The following TENM3 variants were observed in gnomAD, a reference collection of about 807,000 sequenced individuals.
TENM3 encodes the protein teneurin-3.
Under a neutral mutation model 255.1 loss-of-function variants are expected in TENM3, and 63 were observed. The observed-to-expected ratio is 0.25, with a 90% CI of 0.20 to 0.30. The LOEUF is 0.30. Among genes scored for constraint, TENM3 ranks in the 10% least tolerant of loss-of-function variants. The pLI is 1.00. For missense variants in TENM3, 2,929 were observed against 3,461.1 expected (o/e 0.85, Z 3.86); for synonymous variants, 1,306 against 1,322.3 (o/e 0.99, Z 0.27).
the TENM3 span, among the ~76,000 whole-genome samples, chr4:182,068,148 C>T: frequency 1.3e-5 from 2 of 152,078 alleles, no homozygotes; most frequent in Non-Finnish European, 2.9e-5. Context: ...TGAATGTTAC[C>T]TCTGTCTAAC....
At chr4:182,481,692 G>A (rs1359685932) in intron 3 of TENM3, among the ~76,000 whole-genome samples, 1 of 152,212 alleles carries the variant, frequency 6.6e-6, no homozygotes, top group Non-Finnish European at 1.5e-5. Flanking sequence ...CTACTGGGAA[G>A]GCTGAGGCAG....
At chr4:181,951,819 A>G in the TENM3 span, among the ~76,000 whole-genome samples, 20 of 152,252 alleles carry the variant, frequency 1.3e-4, no homozygotes, top group African/African-American at 4.3e-4. Flanking sequence ...TGTCTAACAG[A>G]AAAGAGGACA....
the TENM3 span, among the ~76,000 whole-genome samples, chr4:181,468,762 C>T: frequency 1.3e-5 from 2 of 152,294 alleles, no homozygotes; most frequent in African/African-American, 2.4e-5. Flanking sequence ...TAAACTTCAG[C>T]TTTTTGTAAG....
At chr4:182,122,431 C>T in the TENM3 span, among the ~76,000 whole-genome samples, 1 of 152,200 alleles carries the variant, frequency 6.6e-6, no homozygotes, top group African/African-American at 2.4e-5. Context: ...GTTGAAATTA[C>T]TCCTTGACTG....
At chr4:182,015,701 C>G in the TENM3 span, among the ~76,000 whole-genome samples, 1 of 151,204 alleles carries the variant, frequency 6.6e-6, no homozygotes, top group Non-Finnish European at 1.5e-5. Flanking sequence ...GCTGGGACTA[C>G]GGGCATGCAC....
the TENM3 span, among the ~76,000 whole-genome samples, chr4:181,524,130 G>A: frequency 6.6e-6 from 1 of 152,134 alleles, no homozygotes; most frequent in Non-Finnish European, 1.5e-5. Flanking sequence ...AGATTAACCT[G>A]TGAAAATGTG....
chr4:181,624,091 C>T, the TENM3 span, among the ~76,000 whole-genome samples: 1 of 152,298 alleles, frequency 6.6e-6, no homozygotes, highest in South Asian at 2.1e-4. Flanking sequence ...GTATCTGTCA[C>T]ATAACCAGCC....
the TENM3 span, among the ~76,000 whole-genome samples, chr4:181,785,490 G>A: frequency 3.9e-5 from 6 of 152,004 alleles, no homozygotes; most frequent in Non-Finnish European, 7.4e-5. Flanking sequence ...TTGAATTGAC[G>A]CGTATTACCA....
chr4:182,230,030 C>G (rs1561220709), intron 1 of TENM3, among the ~76,000 whole-genome samples: 1 of 150,918 alleles, frequency 6.6e-6, no homozygotes, highest in Non-Finnish European at 1.5e-5. Context: ...AATAAATATG[C>G]ATTATTTCCC....
At chr4:181,579,357 C>T in the TENM3 span, among the ~76,000 whole-genome samples, 1 of 152,058 alleles carries the variant, frequency 6.6e-6, no homozygotes, top group Non-Finnish European at 1.5e-5. Flanking sequence ...GCCACCAGAG[C>T]GATCTTTTAA....
chr4:182,176,821 ATTTTTTT>A (rs529637466), intron 1 of TENM3, among the ~76,000 whole-genome samples: 5 of 113,358 alleles, frequency 4.4e-5, no homozygotes, highest in Non-Finnish European at 7.1e-5. Context: ...CATCCGGCTA[ATTTTTTT>A]TTTTTTTTTT....
the TENM3 span, among the ~76,000 whole-genome samples, chr4:181,902,856 C>G: frequency 1.3e-5 from 2 of 152,080 alleles, no homozygotes; most frequent in Admixed American, 1.3e-4. Context: ...AAAGCATGTG[C>G]TCTTGGAGAA....
At chr4:182,790,473 C>T (rs1025196929) in intron 25 of TENM3, among the ~76,000 whole-genome samples, 2 of 152,184 alleles carry the variant, frequency 1.3e-5, no homozygotes, top group African/African-American at 4.8e-5. Context: ...TAATTCCAGC[C>T]GGCGCCTGCA....
chr4:181,828,813 C>G, the TENM3 span, among the ~76,000 whole-genome samples: 1 of 152,148 alleles, frequency 6.6e-6, no homozygotes, highest in Non-Finnish European at 1.5e-5. Context: ...TGGTCTTGAA[C>G]TCCTGACCTC....
At chr4:181,629,045 C>T in the TENM3 span, among the ~76,000 whole-genome samples, 1 of 152,052 alleles carries the variant, frequency 6.6e-6, no homozygotes, top group Admixed American at 6.6e-5. Context: ...TGAAGAGGTC[C>T]TTCACATCCC....
intron 13 of TENM3, among the ~76,000 whole-genome samples, chr4:182,716,316 T>C (rs111418916): frequency 4.6e-5 from 7 of 152,306 alleles, no homozygotes; most frequent in African/African-American, 1.7e-4. Context: ...ATCAACTCTT[T>C]AGTGGTATTA....
intron 12 of TENM3, chr4:182,698,011 A>G (rs1358974548): frequency 6.6e-6 from 1 of 152,050 alleles, no homozygotes; most frequent in African/African-American, 2.4e-5. Flanking sequence ...GTCTTTACAT[A>G]CACCAATTTC....
At chr4:182,356,556 C>G (rs539963635) in intron 3 of TENM3, among the ~76,000 whole-genome samples, 2 of 150,752 alleles carry the variant, frequency 1.3e-5, no homozygotes, top group African/African-American at 4.9e-5. Context: ...AGGAAAGGGA[C>G]GGAGCGGCAG....
chr4:182,421,128 T>G (rs1303852452), intron 3 of TENM3, among the ~76,000 whole-genome samples: 1 of 152,230 alleles, frequency 6.6e-6, no homozygotes, highest in Non-Finnish European at 1.5e-5. Flanking sequence ...AAAATTGCAC[T>G]GATAGACTAA....
Sources: gnomAD v4.1 joint callset for allele counts (sites outside exome capture counted in the v4.1 genomes callset) on GRCh38, gnomAD v4.1.1 for gene constraint, MANE v1.5 for transcripts, NCBI Gene and HGNC (gene_info 2026-07-23, HGNC 2026-07-21) for gene names.